Variants in KCNIP1 observed in about 807,000 individuals in gnomAD.
The protein encoded by KCNIP1 is potassium voltage-gated channel interacting protein 1.
KCNIP1 carries 18 observed loss-of-function variants against 33.0 expected under a neutral mutation model. The observed-to-expected ratio is 0.55, with a 90% CI of 0.38 to 0.81. KCNIP1 has a LOEUF of 0.81. Ranked by LOEUF, KCNIP1 falls within the 30% of genes least tolerant of loss-of-function variation. The probability of loss-of-function intolerance (pLI) is 0.00; values close to 1 mark genes in which losing one functional copy is unlikely to be tolerated. For synonymous variants in KCNIP1, 93 were observed against 98.3 expected (o/e 0.95, Z 0.32); for missense variants, 238 against 271.6 (o/e 0.88, Z 0.87).
intron 1 of KCNIP1, among the ~76,000 whole-genome samples, chr5:170,355,055 C>T (rs577117430): frequency 9.2e-5 from 14 of 152,292 alleles, no homozygotes; most frequent in East Asian, 1.9e-4. Context: ...CGCCACCCAG[C>T]GGGTCTGGCC....
chr5:170,374,491 T>C (rs1044159630), intron 1 of KCNIP1, among the ~76,000 whole-genome samples: 1 of 152,220 alleles, frequency 6.6e-6, no homozygotes, highest in Non-Finnish European at 1.5e-5. Flanking sequence ...ACTGTTAGGA[T>C]GTCCCCCAGG....
chr5:170,601,866 C>T (rs1758708166), intron 1 of KCNIP1, among the ~76,000 whole-genome samples: 1 of 152,152 alleles, frequency 6.6e-6, no homozygotes, highest in African/African-American at 2.4e-5. Flanking sequence ...AGAGGCAGGA[C>T]CTGTCTGGAG....
At chr5:170,417,898 A>T (rs915546327) in intron 1 of KCNIP1, among the ~76,000 whole-genome samples, 9 of 152,162 alleles carry the variant, frequency 5.9e-5, no homozygotes, top group African/African-American at 9.7e-5. Context: ...CCTTATACCC[A>T]GTCTTGCCCA....
intron 1 of KCNIP1, among the ~76,000 whole-genome samples, chr5:170,384,630 C>T (rs1303121198): frequency 1.3e-5 from 2 of 152,208 alleles, no homozygotes; most frequent in African/African-American, 4.8e-5. Context: ...GCTGCTGGAA[C>T]GTGCCCAGAG....
chr5:170,465,621 G>GCACA (rs1468743016), intron 1 of KCNIP1, among the ~76,000 whole-genome samples: 1 of 152,028 alleles, frequency 6.6e-6, no homozygotes, highest in Non-Finnish European at 1.5e-5. Flanking sequence ...CCTTCATCAC[G>GCACA]CACACACACA....
intron 1 of KCNIP1, chr5:170,385,175 C>T: frequency 2.1e-6 from 2 of 941,902 alleles, no homozygotes; most frequent in Non-Finnish European, 3.3e-6. Context: ...AACCCTAGAA[C>T]CTAAGAATGA....
In KCNIP1 at chr5:170,733,870, T is replaced by C. The variant is rs769525599; in HGVS notation, c.575T>C (p.Leu192Ser). ...AAAAATAAAGATGGCATCGTAACTT[T>C]AGATGAATTTCTTGAATCATGTCAG... ...MDKNKDGIVT[L>S]DEFLESCQED... The change falls in exon 7 of 8, where the codon TTA (leucine) becomes TCA (serine). Residue 192 changes from leucine to serine, a missense_variant. By Grantham distance (145) the Leu-to-Ser change is moderately radical (BLOSUM62 -2). Transcript: ENST00000328939. 15 of 1,613,848 alleles carry C rather than the reference T, an allele frequency of 9.3e-6. No individual in the cohort carries two copies. Among genetic ancestry groups the C allele is most frequent in the East Asian group, 2.2e-5 (1 of 44,882 alleles).
chr5:170,548,706 GTTCAAGT>G (rs1170029511), intron 1 of KCNIP1, among the ~76,000 whole-genome samples: 1 of 152,154 alleles, frequency 6.6e-6, no homozygotes, highest in Non-Finnish European at 1.5e-5. Context: ...GCTCTTTGAG[GTTCAAGT>G]TTTATGTTGG....
At chr5:170,423,750 G>A (rs913656164) in intron 1 of KCNIP1, among the ~76,000 whole-genome samples, 10 of 152,272 alleles carry the variant, frequency 6.6e-5, no homozygotes, top group African/African-American at 2.2e-4. Flanking sequence ...GGGTGCGTCT[G>A]GCTTTATTCT....
chr5:170,722,211 A>T (rs1280831888), intron 4 of KCNIP1, among the ~76,000 whole-genome samples: 1 of 152,166 alleles, frequency 6.6e-6, no homozygotes, highest in Non-Finnish European at 1.5e-5. Flanking sequence ...CAATTCCCAC[A>T]ATAACCCTAT....
intron 1 of KCNIP1, among the ~76,000 whole-genome samples, chr5:170,656,998 T>TC (rs1554108368): frequency 1.4e-5 from 2 of 141,740 alleles, no homozygotes; most frequent in African/African-American, 5.3e-5. Context: ...CTTTCTTTCT[T>TC]TTTTTTTTTT....
intron 1 of KCNIP1, among the ~76,000 whole-genome samples, chr5:170,655,464 T>C (rs932260257): frequency 1.3e-5 from 2 of 152,208 alleles, no homozygotes; most frequent in Non-Finnish European, 2.9e-5. Flanking sequence ...TGAATTCGCA[T>C]GCACCAAACC....
At chr5:170,492,610 A>G (rs889675685) in intron 1 of KCNIP1, among the ~76,000 whole-genome samples, 6 of 152,262 alleles carry the variant, frequency 3.9e-5, no homozygotes, top group African/African-American at 1.4e-4. Context: ...CTTTTTGGTG[A>G]CCAGCCCAAT....
At chr5:170,620,806 C>A (rs771321240) in intron 1 of KCNIP1, among the ~76,000 whole-genome samples, 3 of 152,124 alleles carry the variant, frequency 2.0e-5, no homozygotes, top group Non-Finnish European at 4.4e-5. Context: ...ATTCATTTGC[C>A]TTAATTGGAT....
intron 1 of KCNIP1, among the ~76,000 whole-genome samples, chr5:170,655,667 G>C: frequency 6.6e-6 from 1 of 152,138 alleles, no homozygotes. Flanking sequence ...CAGAGTAGAG[G>C]AGAAATGACT....
intron 1 of KCNIP1, among the ~76,000 whole-genome samples, chr5:170,482,756 T>C (rs72836279): frequency 0.024 from 3,726 of 152,338 alleles, 60 homozygotes; most frequent in Non-Finnish European, 0.037. Flanking sequence ...GCCAAGCCTG[T>C]CTGAGAGAGG....
chr5:170,437,808 T>C (rs1010374200), intron 1 of KCNIP1, among the ~76,000 whole-genome samples: 2 of 152,138 alleles, frequency 1.3e-5, no homozygotes, highest in Non-Finnish European at 2.9e-5. Flanking sequence ...TCCCAAACCA[T>C]CCAGGTTTCC....
intron 1 of KCNIP1, among the ~76,000 whole-genome samples, chr5:170,437,789 G>T (rs955982852): frequency 6.6e-6 from 1 of 152,182 alleles, no homozygotes; most frequent in Admixed American, 6.5e-5. Flanking sequence ...AGATGGAACT[G>T]CAAGAAGATC....
intron 1 of KCNIP1, among the ~76,000 whole-genome samples, chr5:170,667,432 G>T (rs1331116480): frequency 6.6e-6 from 1 of 152,238 alleles, no homozygotes; most frequent in Non-Finnish European, 1.5e-5. Flanking sequence ...CCCCTGGGAG[G>T]GATGAATTTG....
Sources: gnomAD v4.1 joint callset for allele counts (sites outside exome capture counted in the v4.1 genomes callset) on GRCh38, gnomAD v4.1.1 for gene constraint, MANE v1.5 for transcripts, NCBI Gene and HGNC (gene_info 2026-07-23, HGNC 2026-07-21) for gene names.